The following ELMO1 variants were observed in gnomAD, a reference collection of about 807,000 sequenced individuals.
The protein encoded by ELMO1 is engulfment and cell motility protein 1.
In ELMO1, 26 loss-of-function variants were observed where a neutral mutation model predicts 98.9. That is an observed-to-expected ratio of 0.26 (90% CI 0.19 to 0.36). The LOEUF is 0.36. ELMO1 is among the 10% of genes least tolerant of loss of function. The pLI is 1.00. For synonymous variants in ELMO1, 346 were observed against 346.0 expected (o/e 1.00, Z 0.00); for missense variants, 627 against 935.2 (o/e 0.67, Z 4.30).
At chr7:37,240,767 C>T (rs1794727310) in intron 7 of ELMO1, among the ~76,000 whole-genome samples, 1 of 152,012 alleles carries the variant, frequency 6.6e-6, no homozygotes, top group African/African-American at 2.4e-5. Flanking sequence ...AATTTCCAAA[C>T]ATCCGAGGCT....
Position 37,142,144 on chromosome 7 carries a change from C to T in ELMO1, c.1087-8910G>A, listed in dbSNP as rs113208009. ...ATCGTAACAAAAATAAAAACCATTC[C>T]GCATGTCAAATACAGTGGGGTCCAG... On this transcript the variant is annotated intron_variant, in intron 13 of 21. Transcript: ENST00000310758. 4.2e-3 allele frequency among the ~76,000 whole-genome samples: 641 copies of T among 152,196 alleles called. 3 individuals are homozygous for T. Among genetic ancestry groups the T allele is most frequent in the Admixed American group, 6.4e-3 (98 of 15,292 alleles).
At chr7:37,316,253 T>C (rs1358815192) in intron 2 of ELMO1, among the ~76,000 whole-genome samples, 1 of 152,192 alleles carries the variant, frequency 6.6e-6, no homozygotes, top group Admixed American at 6.5e-5. Context: ...GGTGAAAATA[T>C]AACTTTGTTC....
intron 15 of ELMO1, among the ~76,000 whole-genome samples, chr7:37,090,064 C>A (rs747629312): frequency 6.6e-6 from 1 of 152,162 alleles, no homozygotes; most frequent in African/African-American, 2.4e-5. Flanking sequence ...GAAGAGATGG[C>A]CTCTTGTTCC....
chr7:37,288,255 A>C (rs1204011897), intron 4 of ELMO1, among the ~76,000 whole-genome samples: 17 of 135,406 alleles, frequency 1.3e-4, no homozygotes, highest in African/African-American at 2.6e-4. Flanking sequence ...ATGGAGTTTC[A>C]CTCTTGTTCC....
chr7:36,868,840 C>T (rs955734809), intron 20 of ELMO1, among the ~76,000 whole-genome samples: 4 of 152,178 alleles, frequency 2.6e-5, no homozygotes, highest in African/African-American at 9.7e-5. Flanking sequence ...CTCCCAGACC[C>T]CTATTATTGC....
intron 16 of ELMO1, among the ~76,000 whole-genome samples, chr7:36,993,216 C>T (rs1008968561): frequency 2.0e-5 from 3 of 152,086 alleles, no homozygotes; most frequent in East Asian, 1.9e-4. Flanking sequence ...TATGGAACCA[C>T]AGGGGGAGGG....
Position 37,342,665 on chromosome 7 carries a change from T to C in ELMO1, c.26A>G (p.Lys9Arg). The C allele has an allele frequency of 6.2e-7, 1 of 1,611,958 alleles. No individual in the cohort carries two copies. Among genetic ancestry groups the C allele is most frequent in the Non-Finnish European group, 8.5e-7 (1 of 1,179,386 alleles). Residue 9 changes from lysine to arginine, a missense_variant, in exon 2 of 22, where the codon AAG (lysine) becomes AGG (arginine). By Grantham distance (26) the Lys-to-Arg change is conservative. Transcript: ENST00000310758. This position sits in a 1 kb window ranked among gnomAD's most constrained non-coding sequence, Gnocchi z 4.3. MPPPADIV[K>R]VAIEWPGAYP... ...GGCGCCCGGCCATTCTATGGCCACC[T>C]TGACGATGTCCGCGGGTGGCGGCAT... is the stretch of plus-strand genomic sequence containing the variant.
chr7:37,146,504 A>G lies in ELMO1; in HGVS notation c.1087-13270T>C, dbSNP rs1215593988. ...GTGAAATGACTGCTTTAGATAGGAC[A>G]TACATTCTTTGAGTTGACATGGGCC... On this transcript the variant is annotated intron_variant, in intron 13 of 21. Coordinates refer to ENST00000310758, the MANE Select transcript of ELMO1 (RefSeq NM_014800.11). 2.0e-5 allele frequency among the ~76,000 whole-genome samples: 3 copies of G among 152,076 alleles called. No homozygotes were observed. In the East Asian group the frequency reaches 5.8e-4, roughly 29 times the overall value.
chr7:37,138,700 G>A (rs1787425632), intron 13 of ELMO1, among the ~76,000 whole-genome samples: 1 of 151,916 alleles, frequency 6.6e-6, no homozygotes, highest in African/African-American at 2.4e-5. Context: ...AGAGAGAGAG[G>A]GAATCCTCCC....
intron 16 of ELMO1, among the ~76,000 whole-genome samples, chr7:37,008,537 C>T (rs942593540): frequency 1.3e-5 from 2 of 152,030 alleles, no homozygotes; most frequent in Non-Finnish European, 2.9e-5. Flanking sequence ...GCAATTTACT[C>T]ATTTTTCATA....
At chr7:37,256,485 A>C (rs1562558933) in intron 6 of ELMO1, among the ~76,000 whole-genome samples, 1 of 148,728 alleles carries the variant, frequency 6.7e-6, no homozygotes, top group East Asian at 2.0e-4. Flanking sequence ...GATGATGCCA[A>C]GTGTAGGAGG....
chr7:37,214,361 T>C lies in ELMO1; in HGVS notation c.832-904A>G, dbSNP rs73341955. On this transcript the variant is annotated intron_variant, in intron 11 of 21. Coordinates refer to ENST00000310758, the MANE Select transcript of ELMO1 (RefSeq NM_014800.11). ...GACCAATTCTCTTGGCAATCTGTAG[T>C]TGCTCCTGGGTAGACAGACTGCTGC... Among the ~76,000 whole-genome samples the C allele has an allele frequency of 2.4e-3, 371 of 152,326 alleles. 1 individual carries two copies. The highest frequency in any genetic ancestry group is 8.3e-3 in the African/African-American group (346 of 41,582).
intron 17 of ELMO1, among the ~76,000 whole-genome samples, chr7:36,889,414 G>A (rs1267005814): frequency 1.3e-5 from 2 of 152,182 alleles, no homozygotes; most frequent in Admixed American, 1.3e-4. Context: ...GAGTGGAAAA[G>A]AAAGTGGGTA....
At chr7:37,211,285 G>A in intron 13 of ELMO1, 101 bp downstream of exon 13, 1 of 1,542,122 alleles carries the variant, frequency 6.5e-7, no homozygotes, top group Non-Finnish European at 8.9e-7. Context: ...ATTCCGTAAA[G>A]CGCAAGAGGA....
Position 37,350,959 on chromosome 7 carries a change from C to T in ELMO1, c.-73-8196G>A, listed in dbSNP as rs1005779792. Reference sequence around the variant, plus strand: ...ACCTTGATCTCTGACTTCTAGCCTCCGTAACAGTGAGAAAACCCATTTCTG... The same window carrying T: ...ACCTTGATCTCTGACTTCTAGCCTCTGTAACAGTGAGAAAACCCATTTCTG... On this transcript the variant is annotated intron_variant, in intron 1 of 21. Transcript: ENST00000310758. Among the ~76,000 whole-genome samples, 5 of 152,070 alleles carry T rather than the reference C, an allele frequency of 3.3e-5. No individual in the cohort carries two copies. The East Asian group carries it at 7.7e-4, about 23-fold the overall frequency.
intron 16 of ELMO1, among the ~76,000 whole-genome samples, chr7:36,937,461 C>T (rs1342076534): frequency 6.6e-6 from 1 of 152,216 alleles, no homozygotes; most frequent in African/African-American, 2.4e-5. Flanking sequence ...GTGAGCCATG[C>T]TCCAAAACTA....
In ELMO1 at chr7:37,061,978, G is replaced by A. The variant is rs543688925; in HGVS notation, c.1300+34641C>T. 2.0e-5 allele frequency among the ~76,000 whole-genome samples: 3 copies of A among 152,264 alleles called. 1 individual carries two copies. In the East Asian group the frequency reaches 5.8e-4, roughly 29 times the overall value. ...CTTTGGACACAGATAAACCCTGGCT[G>A]GGTTATATTTCATCCTATGAGAAGT... On this transcript the variant is annotated intron_variant, in intron 15 of 21. Coordinates refer to ENST00000310758, the MANE Select transcript of ELMO1 (RefSeq NM_014800.11).
At chr7:37,121,127 G>A (rs180964925) in intron 14 of ELMO1, among the ~76,000 whole-genome samples, 71 of 152,260 alleles carry the variant, frequency 4.7e-4, no homozygotes, top group Non-Finnish European at 6.6e-4. Context: ...CCATCTGCAC[G>A]TCACCATCAT....
At chr7:37,147,309 G>A (rs867208164) in intron 13 of ELMO1, among the ~76,000 whole-genome samples, 3 of 152,116 alleles carry the variant, frequency 2.0e-5, no homozygotes, top group Admixed American at 6.5e-5. Context: ...CTCCCTCTCT[G>A]ATGGACATCC....
Sources: allele counts gnomAD v4.1 joint callset (sites outside exome capture counted in the v4.1 genomes callset), GRCh38; gene constraint gnomAD v4.1.1; non-coding constraint Gnocchi (gnomAD v3.1); transcripts MANE v1.5; gene names NCBI Gene and HGNC (gene_info 2026-07-23, HGNC 2026-07-21).